Variants in RARB observed in about 807,000 individuals in gnomAD.
RARB encodes the protein retinoic acid receptor beta.
Under a neutral mutation model 51.9 loss-of-function variants are expected in RARB, and 17 were observed. The observed-to-expected ratio is 0.33, with a 90% CI of 0.22 to 0.49. RARB has a LOEUF of 0.49. Among genes scored for constraint, RARB ranks in the 20% least tolerant of loss-of-function variants. RARB has a pLI of 0.99. For missense variants in RARB, 369 were observed against 550.8 expected, an observed-to-expected ratio of 0.67 and a Z score of 3.30; for synonymous variants, 215 against 195.4, an observed-to-expected ratio of 1.10 and a Z score of -0.84.
At chr3:25,148,971 G>A (rs1700239033) in intron 4 of RARB, among the ~76,000 whole-genome samples, 1 of 152,000 alleles carries the variant, frequency 6.6e-6, no homozygotes, top group South Asian at 2.1e-4. Context: ...TAGCCTCTGA[G>A]CAGTAGAAAA....
intron 2 of RARB, among the ~76,000 whole-genome samples, chr3:24,992,113 A>G (rs1302513948): frequency 2.0e-5 from 3 of 152,166 alleles, no homozygotes; most frequent in Non-Finnish European, 4.4e-5. Context: ...TTGCTCCTCC[A>G]TACCGCAAAC....
At chr3:25,282,552 T>C (rs1266946810) in intron 5 of RARB, among the ~76,000 whole-genome samples, 1 of 152,192 alleles carries the variant, frequency 6.6e-6, no homozygotes, top group East Asian at 1.9e-4. Flanking sequence ...GCTCCATAGG[T>C]AGGATTTTGT....
At chr3:25,444,500 AGGC>A (rs1317848894) in intron 1 of RARB, among the ~76,000 whole-genome samples, 119 of 152,332 alleles carry the variant, frequency 7.8e-4, no homozygotes, top group African/African-American at 2.7e-3. Context: ...TGTACACATC[AGGC>A]TTATTATTTA....
At chr3:24,890,533 G>A (rs1703358122) in intron 2 of RARB, among the ~76,000 whole-genome samples, 1 of 152,076 alleles carries the variant, frequency 6.6e-6, no homozygotes, top group South Asian at 2.1e-4. Flanking sequence ...AGGAATGCTT[G>A]AGTCTGGGAG....
chr3:24,881,791 G>T (rs984857822), intron 2 of RARB, among the ~76,000 whole-genome samples: 1 of 152,150 alleles, frequency 6.6e-6, no homozygotes, highest in Admixed American at 6.5e-5. Context: ...GAGGAAAATA[G>T]TGTCTCAGGA....
intron 2 of RARB, among the ~76,000 whole-genome samples, chr3:24,970,637 G>C (rs985457397): frequency 6.6e-6 from 1 of 150,630 alleles, no homozygotes; most frequent in African/African-American, 2.4e-5. Flanking sequence ...CCTGTAGCAT[G>C]AGAAAGACAC....
intron 6 of RARB, among the ~76,000 whole-genome samples, chr3:25,594,272 C>G (rs1701725653): frequency 6.6e-6 from 1 of 152,110 alleles, no homozygotes. Context: ...ACCTTCTGGT[C>G]AAAGGAGGTA....
intron 2 of RARB, among the ~76,000 whole-genome samples, chr3:25,052,476 A>G (rs1698351674): frequency 6.6e-6 from 1 of 152,230 alleles, no homozygotes; most frequent in Non-Finnish European, 1.5e-5. Flanking sequence ...GGCATACTGT[A>G]CTAAAAATTG....
intron 2 of RARB, among the ~76,000 whole-genome samples, chr3:24,937,848 A>G (rs1281538718): frequency 1.3e-5 from 2 of 152,128 alleles, no homozygotes; most frequent in Non-Finnish European, 2.9e-5. Flanking sequence ...TTAATCCCAA[A>G]TCTAGATTTT....
chr3:25,250,965 C>T (rs974439375), intron 5 of RARB, among the ~76,000 whole-genome samples: 6 of 152,098 alleles, frequency 3.9e-5, no homozygotes, highest in African/African-American at 1.4e-4. Context: ...CCAGTTGATC[C>T]CAGCAGAGCA....
intron 3 of RARB, among the ~76,000 whole-genome samples, chr3:25,542,008 G>A (rs911121283): frequency 3.9e-5 from 6 of 152,192 alleles, no homozygotes; most frequent in Admixed American, 3.3e-4. Flanking sequence ...AGAGAGAAAA[G>A]GAAAGAAGAA....
At chr3:25,190,887 AT>A (rs201904577) in intron 5 of RARB, among the ~76,000 whole-genome samples, 2,094 of 152,234 alleles carry the variant, frequency 0.014, 27 homozygotes, top group Middle Eastern at 0.034. Flanking sequence ...ATCAAAAAAA[AT>A]CATCTGGTTC....
At chr3:25,396,065 T>A (rs190110122) in intron 5 of RARB, among the ~76,000 whole-genome samples, 9 of 152,286 alleles carry the variant, frequency 5.9e-5, no homozygotes, top group African/African-American at 2.2e-4. Context: ...CTTGATGGGG[T>A]GTTCTCCCCC....
intron 5 of RARB, among the ~76,000 whole-genome samples, chr3:25,258,556 A>C (rs963655726): frequency 1.3e-5 from 2 of 152,094 alleles, no homozygotes; most frequent in Admixed American, 6.6e-5. Context: ...CCAACCCTGA[A>C]GTGGGCATTT....
At chr3:25,309,579 C>T (rs911796959) in intron 5 of RARB, among the ~76,000 whole-genome samples, 5 of 146,982 alleles carry the variant, frequency 3.4e-5, no homozygotes, top group African/African-American at 1.3e-4. Flanking sequence ...CTCACTGCAA[C>T]CTCCCCCTCC....
At chr3:25,247,349 TC>T (rs1465735920) in intron 5 of RARB, among the ~76,000 whole-genome samples, 1 of 152,170 alleles carries the variant, frequency 6.6e-6, no homozygotes, top group Non-Finnish European at 1.5e-5. Context: ...TTGCTGGTGT[TC>T]CAGGTGCCAC....
intron 2 of RARB, among the ~76,000 whole-genome samples, chr3:24,863,128 C>T (rs1014360526): frequency 2.6e-5 from 4 of 152,174 alleles, no homozygotes; most frequent in African/African-American, 9.7e-5. Context: ...GTGATGGCAG[C>T]CATACCCTGT....
chr3:25,316,928 G>T (rs1480628861), intron 5 of RARB, among the ~76,000 whole-genome samples: 1 of 152,068 alleles, frequency 6.6e-6, no homozygotes, highest in African/African-American at 2.4e-5. Flanking sequence ...AGAAGTGAGG[G>T]TTAGACAGAA....
At chr3:24,863,537 G>C (rs936061996) in intron 2 of RARB, among the ~76,000 whole-genome samples, 2 of 152,078 alleles carry the variant, frequency 1.3e-5, no homozygotes, top group African/African-American at 2.4e-5. Flanking sequence ...TCATGTCAGC[G>C]TAACCTGGAT....
Sources: allele counts gnomAD v4.1 joint callset (sites outside exome capture counted in the v4.1 genomes callset), GRCh38; gene constraint gnomAD v4.1.1; transcripts MANE v1.5; gene names NCBI Gene and HGNC (gene_info 2026-07-23, HGNC 2026-07-21).